RCSD1: variants seen among roughly 807,000 people sequenced by gnomAD.
RCSD1 encodes the protein capZ-interacting protein.
RCSD1 carries 26 observed loss-of-function variants against 42.5 expected under a neutral mutation model. That is an observed-to-expected ratio of 0.61 (90% confidence interval 0.45 to 0.85). The LOEUF is 0.85. Ranked by LOEUF, RCSD1 falls within the 40% of genes least tolerant of loss-of-function variation. The pLI, the probability that RCSD1 is intolerant of heterozygous loss-of-function variation, is 0.00. For missense variants in RCSD1, 571 were observed against 528.3 expected (o/e 1.08, Z -0.79); for synonymous variants, 220 against 212.2 (o/e 1.04, Z -0.32).
chr1:167,675,534 A>G (rs1380096688), intron 1 of RCSD1, among the ~76,000 whole-genome samples: 1 of 152,102 alleles, frequency 6.6e-6, no homozygotes, highest in Non-Finnish European at 1.5e-5. Flanking sequence ...TCAAGATGAG[A>G]TTTGGGCGGG....
chr1:167,649,469 T>C (rs150560839), intron 1 of RCSD1, among the ~76,000 whole-genome samples: 2 of 152,302 alleles, frequency 1.3e-5, no homozygotes, highest in East Asian at 1.9e-4. Flanking sequence ...GATGATATTA[T>C]GGGGTGTTAC....
Position 167,676,427 on chromosome 1 carries a change from G to A in RCSD1, c.7-7473G>A, listed in dbSNP as rs1252990670. ...TGTTAATGGCCTCATTTACAAACAA[G>A]GAAACTGAGACTCAGAGAGGTTCAC... On this transcript the variant is annotated intron_variant, in intron 1 of 6. Coordinates refer to ENST00000367854, the MANE Select transcript of RCSD1 (RefSeq NM_052862.4). Among the ~76,000 whole-genome samples the A allele has an allele frequency of 2.0e-5, 3 of 152,178 alleles. No individual in the cohort carries two copies. In the East Asian group the frequency reaches 5.8e-4, roughly 29 times the overall value.
intron 1 of RCSD1, among the ~76,000 whole-genome samples, chr1:167,650,789 T>C: frequency 6.6e-6 from 1 of 151,968 alleles, no homozygotes; most frequent in East Asian, 1.9e-4. Flanking sequence ...GAGCGGAGTG[T>C]GCGTGGTACG....
intron 1 of RCSD1, among the ~76,000 whole-genome samples, chr1:167,646,806 C>T (rs573108132): frequency 6.6e-6 from 1 of 152,254 alleles, no homozygotes; most frequent in East Asian, 1.9e-4. Context: ...GGGGCATCGC[C>T]CAAAACCTGG....
intron 1 of RCSD1, among the ~76,000 whole-genome samples, chr1:167,668,372 G>A (rs1658713454): frequency 6.6e-6 from 1 of 151,570 alleles, no homozygotes; most frequent in Non-Finnish European, 1.5e-5. Flanking sequence ...AGGTTTTTGT[G>A]TAAACTCTAC....
chr1:167,650,432 C>A (rs1308833911), intron 1 of RCSD1, among the ~76,000 whole-genome samples: 1 of 152,138 alleles, frequency 6.6e-6, no homozygotes, highest in Non-Finnish European at 1.5e-5. Flanking sequence ...CAGGCTGGGC[C>A]AGGCCCAGAC....
Position 167,666,425 on chromosome 1 carries a change from A to C in RCSD1, c.7-17475A>C, listed in dbSNP as rs550870456. On this transcript the variant is annotated intron_variant, in intron 1 of 6. Transcript: ENST00000367854. ...CTGTTTTATTACTGTTGAAAAATAC[A>C]TTATGAAAGCCTACTACTACTCATT... Among the ~76,000 whole-genome samples the C allele has an allele frequency of 1.6e-3, 250 of 152,330 alleles. 1 individual carries two copies. The highest frequency in any genetic ancestry group is 2.8e-3 in the Non-Finnish European group (191 of 68,030).
At chr1:167,646,129 T>C (rs1221391684) in intron 1 of RCSD1, among the ~76,000 whole-genome samples, 13 of 152,184 alleles carry the variant, frequency 8.5e-5, no homozygotes, top group Admixed American at 6.5e-4. Flanking sequence ...TCAGAATGAC[T>C]GTGTTTTCCA....
At chr1:167,657,809 A>G (rs984553783) in intron 1 of RCSD1, among the ~76,000 whole-genome samples, 1 of 152,040 alleles carries the variant, frequency 6.6e-6, no homozygotes, top group Non-Finnish European at 1.5e-5. Context: ...TGTTTTCCAT[A>G]TTATATATCT....
chr1:167,701,088 G>C (rs1316422333), intron 6 of RCSD1, among the ~76,000 whole-genome samples: 1 of 152,136 alleles, frequency 6.6e-6, no homozygotes, highest in African/African-American at 2.4e-5. Context: ...TTGGGCAGGG[G>C]AAGAGAATGC....
At chr1:167,692,525 TTTTA>T (rs1558091954) in intron 4 of RCSD1, among the ~76,000 whole-genome samples, 1 of 151,846 alleles carries the variant, frequency 6.6e-6, no homozygotes. Context: ...TTTTTTTTAT[TTTTA>T]TTTTTTTTAG....
intron 1 of RCSD1, chr1:167,663,748 C>A (rs990699307): frequency 6.6e-6 from 1 of 152,258 alleles, no homozygotes; most frequent in Admixed American, 6.5e-5. Context: ...CTGGCAACAG[C>A]CTGGTATCTC....
At position 167,677,307 on chromosome 1, in the gene RCSD1, G is replaced by A. The variant is rs896364675; in HGVS notation, c.7-6593G>A. 3.9e-5 allele frequency among the ~76,000 whole-genome samples: 6 copies of A among 152,290 alleles called. No individual in the cohort carries two copies. The South Asian group carries it at 1.2e-3, about 32-fold the overall frequency. ...TGACCCGACAATGTGGATGGGGCAC[G>A]CAACATTCATGAGTGACATTCAGGA... is the stretch of plus-strand genomic sequence containing the variant. On this transcript the variant is annotated intron_variant, in intron 1 of 6. Coordinates refer to ENST00000367854, the MANE Select transcript of RCSD1 (RefSeq NM_052862.4).
chr1:167,697,948 G>C, intron 6 of RCSD1, 106 bp downstream of exon 6: 1 of 1,270,244 alleles, frequency 7.9e-7, no homozygotes, highest in Non-Finnish European at 1.0e-6. Flanking sequence ...AGCTCGACAT[G>C]CAGAAACAAA....
chr1:167,659,110 A>T (rs578000090), intron 1 of RCSD1, among the ~76,000 whole-genome samples: 1 of 152,346 alleles, frequency 6.6e-6, no homozygotes, highest in Admixed American at 6.5e-5. Context: ...TCTGATAAGC[A>T]TAAAAAGAAA....
chr1:167,701,309 T>TTTCTTTCC (rs1356111709), intron 6 of RCSD1, among the ~76,000 whole-genome samples: 2 of 148,400 alleles, frequency 1.3e-5, no homozygotes, highest in Admixed American at 1.3e-4. Flanking sequence ...TCTTTCTTTC[T>TTTCTTTCC]TTCTTTCTTT....
chr1:167,655,206 A>G (rs1658396326), intron 1 of RCSD1, among the ~76,000 whole-genome samples: 2 of 152,094 alleles, frequency 1.3e-5, no homozygotes, highest in African/African-American at 2.4e-5. Flanking sequence ...CCTCACTGAC[A>G]TCACCCTTAG....
In RCSD1 at chr1:167,685,452, C is replaced by T. The variant is rs750952554; in HGVS notation, c.140C>T (p.Pro47Leu). Residue 47 changes from proline (P) to leucine (L), a missense_variant, in exon 3 of 7, where the codon CCG (proline) becomes CTG (leucine). Transcript: ENST00000367854. ...TPASKPTRRK[P>L]PCSLPLFPPK... Reference sequence around the variant, plus strand: ...GCCAGTAAACCAACCCGAAGGAAACCGCCCTGTTCCCTCCCCCTGTTCCCC... The same window carrying T: ...GCCAGTAAACCAACCCGAAGGAAACTGCCCTGTTCCCTCCCCCTGTTCCCC... 1.9e-5 allele frequency: 30 copies of T among 1,613,660 alleles called. No homozygotes were observed. In the East Asian group the frequency reaches 3.8e-4, roughly 20 times the overall value.
At chr1:167,686,835 A>T (rs1659247368) in intron 3 of RCSD1, among the ~76,000 whole-genome samples, 1 of 152,218 alleles carries the variant, frequency 6.6e-6, no homozygotes, top group Non-Finnish European at 1.5e-5. Context: ...ATGGCCACTC[A>T]GAGCTTAATG....
Sources: allele counts gnomAD v4.1 joint callset (sites outside exome capture counted in the v4.1 genomes callset), GRCh38; gene constraint gnomAD v4.1.1; transcripts MANE v1.5; gene names NCBI Gene and HGNC (gene_info 2026-07-23, HGNC 2026-07-21).